The following CSMD1 variants were observed in gnomAD, a reference collection of about 807,000 sequenced individuals.
CSMD1 encodes the protein CUB and Sushi multiple domains 1.
In CSMD1, 213 loss-of-function variants were observed where a neutral mutation model predicts 417.5. That is an observed-to-expected ratio of 0.51 (90% CI 0.46 to 0.57). The LOEUF (loss-of-function observed/expected upper bound fraction) is 0.57. Among genes scored for constraint, CSMD1 ranks in the 20% least tolerant of loss-of-function variants. CSMD1 has a pLI of 0.00. For missense variants in CSMD1, 6,923 were observed against 4,529.7 expected, an observed-to-expected ratio of 1.53 and a Z score of -15.17; for synonymous variants, 2,862 against 1,736.8, an observed-to-expected ratio of 1.65 and a Z score of -16.11.
intron 23 of CSMD1, among the ~76,000 whole-genome samples, chr8:3,308,766 C>T (rs1428578297): frequency 3.3e-5 from 4 of 120,830 alleles, no homozygotes; most frequent in African/African-American, 6.0e-5. Flanking sequence ...TTTTGTTGCC[C>T]AGGCTGGAGT....
At chr8:4,984,814 G>C (rs1359400831) in intron 1 of CSMD1, among the ~76,000 whole-genome samples, 1 of 152,130 alleles carries the variant, frequency 6.6e-6, no homozygotes, top group Admixed American at 6.5e-5. Flanking sequence ...TAGTGTCCTT[G>C]GGCTGACCTG....
intron 3 of CSMD1, among the ~76,000 whole-genome samples, chr8:4,103,092 G>A (rs903848566): frequency 1.3e-5 from 2 of 152,058 alleles, no homozygotes; most frequent in East Asian, 3.9e-4. Context: ...GCTCCAGACA[G>A]TTCTATAAAG....
Position 4,685,069 on chromosome 8 carries a change from A to G in CSMD1, c.86-47511T>C, listed in dbSNP as rs545947462. Reference sequence around the variant, plus strand: ...TGATTCTTCTGACCCTTACCCAGTTATCGAGCAACTCCAACATATTTACTG... The same window carrying G: ...TGATTCTTCTGACCCTTACCCAGTTGTCGAGCAACTCCAACATATTTACTG... On this transcript the variant is annotated intron_variant, in intron 1 of 69. Coordinates refer to ENST00000635120, the MANE Select transcript of CSMD1 (RefSeq NM_033225.6). Among the ~76,000 whole-genome samples the G allele has an allele frequency of 1.2e-4, 18 of 152,354 alleles. No individual in the cohort carries two copies. The South Asian group carries it at 3.7e-3, about 32-fold the overall frequency.
intron 3 of CSMD1, among the ~76,000 whole-genome samples, chr8:4,039,230 T>C (rs1797766484): frequency 6.6e-6 from 1 of 152,180 alleles, no homozygotes; most frequent in African/African-American, 2.4e-5. Context: ...CTCTACACTT[T>C]GCCTCTGTAG....
At chr8:3,855,410 G>C (rs750650037) in intron 5 of CSMD1, among the ~76,000 whole-genome samples, 6 of 151,642 alleles carry the variant, frequency 4.0e-5, no homozygotes, top group African/African-American at 9.7e-5. Context: ...AAAAATAAAA[G>C]CATATTCTAT....
intron 26 of CSMD1, among the ~76,000 whole-genome samples, chr8:3,271,894 G>C (rs542171044): frequency 6.6e-6 from 1 of 152,092 alleles, no homozygotes; most frequent in Admixed American, 6.5e-5. Context: ...TGTTCACTCT[G>C]ATGGTAGTTT....
At chr8:4,138,064 T>A (rs1204031513) in intron 3 of CSMD1, among the ~76,000 whole-genome samples, 1,452 of 54,032 alleles carry the variant, frequency 0.027, 59 homozygotes, top group African/African-American at 0.072. Flanking sequence ...TTTTTTTTTT[T>A]TTTTTTTTTT....
intron 54 of CSMD1, among the ~76,000 whole-genome samples, chr8:2,996,966 T>C (rs748223145): frequency 1.3e-5 from 2 of 152,256 alleles, no homozygotes; most frequent in Non-Finnish European, 2.9e-5. Flanking sequence ...CTCACCCCTG[T>C]GCACCTGGGG....
rs78516269 is a variant in CSMD1, at chr8:3,755,396, T to C, written c.819-1354A>G. 4.9e-3 allele frequency among the ~76,000 whole-genome samples: 747 copies of C among 152,328 alleles called. 8 individuals carry two copies. Among genetic ancestry groups the C allele is most frequent in the African/African-American group, 0.017 (702 of 41,560 alleles). Reference sequence around the variant, plus strand: ...CATTCTCCATGTGCTCTACAAGTGGTTGTGCACTGAATAATTATTTTGCAT... The same window carrying C: ...CATTCTCCATGTGCTCTACAAGTGGCTGTGCACTGAATAATTATTTTGCAT... On this transcript the variant is annotated intron_variant, in intron 5 of 69. Coordinates refer to ENST00000635120, the MANE Select transcript of CSMD1 (RefSeq NM_033225.6).
chr8:4,827,506 A>C (rs1291667146), intron 1 of CSMD1, among the ~76,000 whole-genome samples: 1 of 152,170 alleles, frequency 6.6e-6, no homozygotes, highest in Non-Finnish European at 1.5e-5. Flanking sequence ...TATTTTTCAA[A>C]ATATTCTAAA....
intron 1 of CSMD1, among the ~76,000 whole-genome samples, chr8:4,896,183 T>C (rs1028311891): frequency 2.0e-5 from 3 of 152,146 alleles, no homozygotes; most frequent in African/African-American, 7.2e-5. Context: ...GTCTTTCATA[T>C]TCAGCATGGC....
chr8:3,275,795 C>G (rs375936643), intron 26 of CSMD1, among the ~76,000 whole-genome samples: 17 of 152,148 alleles, frequency 1.1e-4, no homozygotes, highest in Non-Finnish European at 2.1e-4. Context: ...CCTTTAAGCA[C>G]TTCTCTGTAT....
intron 2 of CSMD1, among the ~76,000 whole-genome samples, chr8:4,531,819 T>C (rs2130461081): frequency 6.6e-6 from 1 of 152,314 alleles, no homozygotes; most frequent in Non-Finnish European, 1.5e-5. Flanking sequence ...TAATCCCTTT[T>C]CAGAAACTTT....
chr8:4,685,494 A>G (rs1409258335), intron 1 of CSMD1, among the ~76,000 whole-genome samples: 1 of 152,038 alleles, frequency 6.6e-6, no homozygotes, highest in East Asian at 1.9e-4. Context: ...AGAATCGCTT[A>G]GAACTCAGGA....
At chr8:3,821,245 G>A (rs753429559) in intron 5 of CSMD1, among the ~76,000 whole-genome samples, 1 of 152,086 alleles carries the variant, frequency 6.6e-6, no homozygotes, top group Non-Finnish European at 1.5e-5. Flanking sequence ...AAAGTAGAAT[G>A]AGTACACACT....
At chr8:4,668,414 C>CCAT (rs1489800010) in intron 1 of CSMD1, among the ~76,000 whole-genome samples, 1 of 123,198 alleles carries the variant, frequency 8.1e-6, no homozygotes, top group African/African-American at 3.1e-5. Flanking sequence ...TTGATGTTTT[C>CCAT]CATTATTATT....
At chr8:3,995,555 G>C (rs932315094) in intron 5 of CSMD1, among the ~76,000 whole-genome samples, 1 of 152,198 alleles carries the variant, frequency 6.6e-6, no homozygotes, top group African/African-American at 2.4e-5. Context: ...GCTATACATA[G>C]AGAGAAGAAA....
intron 23 of CSMD1, among the ~76,000 whole-genome samples, chr8:3,330,622 G>C (rs1806830952): frequency 6.6e-6 from 1 of 152,128 alleles, no homozygotes; most frequent in Non-Finnish European, 1.5e-5. Context: ...AGAGGGAGAG[G>C]ATCAGCAAAC....
chr8:4,151,251 C>A (rs4875293), intron 3 of CSMD1, among the ~76,000 whole-genome samples: 32,378 of 152,074 alleles, frequency 0.21, 4,532 homozygotes, highest in Non-Finnish European at 0.31. Context: ...ACTTGGAAAG[C>A]TAAAATATTC....
Sources: gnomAD v4.1 joint callset for allele counts (sites outside exome capture counted in the v4.1 genomes callset) on GRCh38, gnomAD v4.1.1 for gene constraint, MANE v1.5 for transcripts, NCBI Gene and HGNC (gene_info 2026-07-23, HGNC 2026-07-21) for gene names.